Variants in LIPI observed in about 807,000 individuals in gnomAD.
The protein encoded by LIPI is lipase member I.
In LIPI, 59 loss-of-function variants were observed where a neutral mutation model predicts 50.6. The observed-to-expected ratio is 1.16, with a 90% confidence interval of 0.94 to 1.45. The LOEUF (loss-of-function observed/expected upper bound fraction) is 1.45. Ranked by LOEUF, LIPI falls within the 40% of genes most tolerant of loss-of-function variation. The probability of loss-of-function intolerance (pLI) is 0.00; values close to 1 mark genes in which losing one functional copy is unlikely to be tolerated. For missense variants in LIPI, 586 were observed against 536.3 expected (o/e 1.09, Z -0.92); for synonymous variants, 203 against 178.2 (o/e 1.14, Z -1.11).
At chr21:14,193,508 T>C (rs2019746175) in intron 1 of LIPI, among the ~76,000 whole-genome samples, 1 of 152,020 alleles carries the variant, frequency 6.6e-6, no homozygotes, top group Non-Finnish European at 1.5e-5. Flanking sequence ...AGAGACTCAG[T>C]TTAGATTTAA....
intron 2 of LIPI, 84 bp downstream of exon 2, chr21:14,188,950 G>A: frequency 9.0e-7 from 1 of 1,107,046 alleles, no homozygotes; most frequent in East Asian, 2.3e-5. Context: ...TCACTTTGTG[G>A]TATTGAATGT....
At chr21:14,132,434 C>CAA (rs369670820) in intron 9 of LIPI, among the ~76,000 whole-genome samples, 3 of 152,000 alleles carry the variant, frequency 2.0e-5, no homozygotes, top group African/African-American at 7.2e-5. Flanking sequence ...CACACACACA[C>CAA]AAAAAAGTTT....
At position 14,181,836 on chromosome 21, in the gene LIPI, A is replaced by T. The variant is rs539855459; in HGVS notation, c.565T>A (p.Phe189Ile). 2.4e-5 allele frequency: 38 copies of T among 1,611,686 alleles called. No homozygotes were observed. The South Asian group carries it at 4.1e-4, about 17-fold the overall frequency. Residue 189 changes from phenylalanine to isoleucine, a missense_variant, in exon 4 of 10, where the codon TTC becomes ATC. Phe to Ile is a conservative substitution (Grantham distance 21). Coordinates refer to ENST00000681601, the MANE Select transcript of LIPI (RefSeq NM_001302998.2). ...CTGCTATATGGTGGTTTTCTGGAGA[A>T]CCTTGGCCCAGCAGGGTCAAGACCT... The part of the protein sequence containing the change: ...ITGLDPAGPR[F>I]SRKPPYSRLD...
intron 8 of LIPI, among the ~76,000 whole-genome samples, chr21:14,146,950 T>C (rs936296783): frequency 1.3e-5 from 2 of 151,952 alleles, no homozygotes; most frequent in Admixed American, 6.6e-5. Flanking sequence ...AGCTAATTTT[T>C]GTATTTTTAT....
intron 8 of LIPI, among the ~76,000 whole-genome samples, chr21:14,146,760 T>C: frequency 6.8e-6 from 1 of 147,832 alleles, no homozygotes; most frequent in South Asian, 2.1e-4. Context: ...CTTTCTTACT[T>C]TCCCAGTCTC....
intron 1 of LIPI, among the ~76,000 whole-genome samples, chr21:14,189,648 A>C (rs992889513): frequency 9.2e-5 from 14 of 152,202 alleles, no homozygotes; most frequent in Non-Finnish European, 1.5e-4. Context: ...TAAAAAATTA[A>C]GAAGAGATTT....
intron 9 of LIPI, among the ~76,000 whole-genome samples, chr21:14,113,758 A>G (rs1355361792): frequency 1.3e-5 from 2 of 152,224 alleles, no homozygotes; most frequent in East Asian, 1.9e-4. Context: ...TTATAAAGGA[A>G]AGAGGTGTAA....
chr21:14,191,390 A>G (rs1034261290), intron 1 of LIPI, among the ~76,000 whole-genome samples: 1 of 151,836 alleles, frequency 6.6e-6, no homozygotes, highest in African/African-American at 2.4e-5. Context: ...AAAAAAAAAA[A>G]AAAGAAAATG....
At chr21:14,157,691 G>A (rs1432052557) in intron 7 of LIPI, among the ~76,000 whole-genome samples, 1 of 151,856 alleles carries the variant, frequency 6.6e-6, no homozygotes, top group Non-Finnish European at 1.5e-5. Flanking sequence ...GGGGGTGAAA[G>A]AAAGAGAGAA....
chr21:14,182,598 G>A (rs1366475197), intron 3 of LIPI, among the ~76,000 whole-genome samples: 1 of 152,042 alleles, frequency 6.6e-6, no homozygotes, highest in Non-Finnish European at 1.5e-5. Context: ...AATCATGAGT[G>A]AACTCCCATT....
At chr21:14,201,346 G>T (rs567052846) in intron 1 of LIPI, among the ~76,000 whole-genome samples, 1 of 151,954 alleles carries the variant, frequency 6.6e-6, no homozygotes. Context: ...GAAAATTTTT[G>T]CAAACTATGC....
chr21:14,194,597 A>T (rs423858), intron 1 of LIPI, among the ~76,000 whole-genome samples: 1 of 152,050 alleles, frequency 6.6e-6, no homozygotes. Flanking sequence ...AGATCAGTCA[A>T]ATTTATAGAG....
chr21:14,189,377 T>C lies in LIPI; in HGVS notation c.89A>G (p.Lys30Arg). 6.2e-7 allele frequency: 1 copy of C among 1,612,828 alleles called. No homozygotes were observed. Among genetic ancestry groups the C allele is most frequent in the Non-Finnish European group, 8.5e-7 (1 of 1,178,948 alleles). ...AATAAATAAATCTCTGAAGGAATCC[T>C]TTACACTTAGCTGAGAGAATTCAAG... is the stretch of plus-strand genomic sequence containing the variant. ...PCLEFSQLSV[K>R]DSFRDLFIPR... The change falls in exon 2 of 10, where the codon AAG (lysine) becomes AGG (arginine). Residue 30 changes from lysine (K) to arginine (R), a missense_variant. Transcript: ENST00000681601.
intron 4 of LIPI, among the ~76,000 whole-genome samples, chr21:14,173,180 G>T (rs1032364012): frequency 6.6e-6 from 1 of 152,192 alleles, no homozygotes; most frequent in Non-Finnish European, 1.5e-5. Context: ...AGCCAGCGTG[G>T]CTGAAGTCTA....
intron 4 of LIPI, among the ~76,000 whole-genome samples, chr21:14,167,750 C>G (rs1325264132): frequency 6.6e-6 from 1 of 151,966 alleles, no homozygotes; most frequent in East Asian, 1.9e-4. Context: ...GTAGATGAAA[C>G]CACAAAAATG....
At chr21:14,168,948 G>A (rs926697618) in intron 4 of LIPI, among the ~76,000 whole-genome samples, 2 of 151,114 alleles carry the variant, frequency 1.3e-5, no homozygotes, top group Non-Finnish European at 3.0e-5. Flanking sequence ...ACCCATCAGT[G>A]TGCTGTATTC....
chr21:14,209,515 T>A (rs749896732), intron 1 of LIPI, among the ~76,000 whole-genome samples: 9 of 152,170 alleles, frequency 5.9e-5, no homozygotes, highest in Non-Finnish European at 8.8e-5. Context: ...CTACATGGGT[T>A]AAAAATGAAT....
intron 4 of LIPI, among the ~76,000 whole-genome samples, chr21:14,180,856 A>G (rs1316230162): frequency 6.6e-6 from 1 of 152,188 alleles, no homozygotes; most frequent in Admixed American, 6.6e-5. Context: ...CCAAGTATAG[A>G]TCACCACAAG....
At chr21:14,183,851 A>G (rs1441045312) in intron 3 of LIPI, among the ~76,000 whole-genome samples, 3 of 152,230 alleles carry the variant, frequency 2.0e-5, no homozygotes, top group Non-Finnish European at 4.4e-5. Context: ...GATGTGGAGA[A>G]ATAGGAATAC....
Sources: gnomAD v4.1 joint callset for allele counts (sites outside exome capture counted in the v4.1 genomes callset) on GRCh38, gnomAD v4.1.1 for gene constraint, MANE v1.5 for transcripts, NCBI Gene and HGNC (gene_info 2026-07-23, HGNC 2026-07-21) for gene names.